SUSD1: variants seen among roughly 807,000 people sequenced by gnomAD.
SUSD1 encodes the protein sushi domain containing 1, also known as sushi domain-containing protein 1.
Under a neutral mutation model 86.9 loss-of-function variants are expected in SUSD1, and 65 were observed. The observed-to-expected ratio is 0.75, with a 90% CI of 0.61 to 0.92. The LOEUF (loss-of-function observed/expected upper bound fraction) is 0.92. Among genes scored for constraint, SUSD1 ranks in the 40% least tolerant of loss-of-function variants. The probability of loss-of-function intolerance (pLI) is 0.00; values close to 1 mark genes in which losing one functional copy is unlikely to be tolerated. For missense variants in SUSD1, 850 were observed against 929.7 expected (o/e 0.91, Z 1.11); for synonymous variants, 346 against 350.0 (o/e 0.99, Z 0.13).
At chr9:112,130,897 C>G (rs1440084262) in intron 5 of SUSD1, among the ~76,000 whole-genome samples, 1 of 151,774 alleles carries the variant, frequency 6.6e-6, no homozygotes, top group Non-Finnish European at 1.5e-5. Flanking sequence ...GTGGCTCATG[C>G]CTGTAGTCCC....
intron 2 of SUSD1, among the ~76,000 whole-genome samples, chr9:112,153,355 A>G (rs765901995): frequency 6.6e-6 from 1 of 152,064 alleles, no homozygotes; most frequent in Non-Finnish European, 1.5e-5. Context: ...GGATCATGTT[A>G]TCACTGTCTT....
rs775598302 is a variant in SUSD1 at position 112,111,722 on chromosome 9, T to C, written c.1103A>G (p.Tyr368Cys). The C allele has an allele frequency of 5.6e-6, 9 of 1,614,144 alleles. No homozygotes were observed. The Admixed American group carries it at 1.5e-4, about 27-fold the overall frequency. Residue 368 changes from tyrosine to cysteine, a missense_variant, in exon 8 of 17, where the codon TAC becomes TGC. Physicochemically the swap from Tyr to Cys is radical, Grantham distance 194. Transcript: ENST00000374270. Reference sequence around the variant, plus strand: ...AGGTGCTGTGGAGATGTTCACGGTGTAGTTGGTGCCTGGGTACAGGGCTAG... The same window carrying C: ...AGGTGCTGTGGAGATGTTCACGGTGCAGTTGGTGCCTGGGTACAGGGCTAG... Reference protein sequence around the residue: ...VCLALYPGTNYTVNISTAPPR... With the variant: ...VCLALYPGTNCTVNISTAPPR...
At position 112,149,326 on chromosome 9, in the gene SUSD1, G is replaced by GC. The variant is rs1564341112; in HGVS notation, c.290dup (p.Phe98LeufsTer31). On this transcript the variant is annotated frameshift_variant, in exon 3 of 17. Transcript: ENST00000374270. LOFTEE classifies it high-confidence loss of function. Reference sequence around the variant, plus strand: ...ATCCTTCCAGGCAAATGCAATAGAAGCCCCCGGGGGTGTTGTGGCAAGATG... The same window carrying GC: ...ATCCTTCCAGGCAAATGCAATAGAAGCCCCCCGGGGGTGTTGTGGCAAGATG... The GC allele has an allele frequency of 1.2e-6, 2 of 1,614,124 alleles. No individual in the cohort carries two copies. The highest frequency in any genetic ancestry group is 2.2e-5 in the South Asian group (2 of 91,078).
chr9:112,100,555 T>G (rs1204397303), intron 9 of SUSD1, among the ~76,000 whole-genome samples: 1 of 151,908 alleles, frequency 6.6e-6, no homozygotes, highest in African/African-American at 2.4e-5. Context: ...GTACCTGGCC[T>G]GGCAAGTAGC....
rs758442726 is a variant in SUSD1 at position 112,170,710 on chromosome 9, T to TATAG, written c.103+4422_103+4423insCTAT. 4.3e-3 allele frequency among the ~76,000 whole-genome samples: 487 copies of TATAG among 113,804 alleles called. 3 individuals are homozygous for TATAG. Among genetic ancestry groups the TATAG allele is most frequent in the African/African-American group, 0.013 (355 of 26,322 alleles). The allele number at this position is 113,804 out of a possible 152,430, so 74.7% of individuals were successfully genotyped here. On this transcript the variant is annotated intron_variant, in intron 1 of 16. Transcript: ENST00000374270. ...GCCAGATCATATATATATATATATA[T>TATAG]AGAGAGAGAGAGAGAGAGAGAGAGA...
At chr9:112,061,070 T>A (rs763039967) in intron 13 of SUSD1, among the ~76,000 whole-genome samples, 1 of 152,174 alleles carries the variant, frequency 6.6e-6, no homozygotes, top group Non-Finnish European at 1.5e-5. Flanking sequence ...ATTCTGGGAA[T>A]CTGTATCGCT....
chr9:112,081,065 C>T (rs1829747535), intron 10 of SUSD1, among the ~76,000 whole-genome samples: 1 of 152,212 alleles, frequency 6.6e-6, no homozygotes, highest in Non-Finnish European at 1.5e-5. Flanking sequence ...TGTGGAGGTA[C>T]ACCCATCCAA....
chr9:112,155,980 GAA>G (rs1354195888), intron 2 of SUSD1, among the ~76,000 whole-genome samples: 1 of 145,442 alleles, frequency 6.9e-6, no homozygotes, highest in Non-Finnish European at 1.6e-5. Flanking sequence ...AAAGGAGAGA[GAA>G]AGAAAGAAAG....
At chr9:112,165,634 T>A (rs1012639747) in intron 1 of SUSD1, among the ~76,000 whole-genome samples, 10 of 151,786 alleles carry the variant, frequency 6.6e-5, no homozygotes, top group African/African-American at 2.2e-4. Flanking sequence ...GGTCTTGAAC[T>A]CCTGACCTCA....
At chr9:112,145,537 C>A (rs929310718) in intron 3 of SUSD1, among the ~76,000 whole-genome samples, 1 of 152,114 alleles carries the variant, frequency 6.6e-6, no homozygotes, top group African/African-American at 2.4e-5. Context: ...CCAGTTGGCT[C>A]CCAAAGTGCT....
At chr9:112,117,512 CTA>C (rs1039217529) in intron 6 of SUSD1, among the ~76,000 whole-genome samples, 1 of 151,992 alleles carries the variant, frequency 6.6e-6, no homozygotes, top group Non-Finnish European at 1.5e-5. Context: ...TTGCTTTACT[CTA>C]TGTGTGTGTG....
At chr9:112,089,873 G>A (rs573521648) in intron 10 of SUSD1, among the ~76,000 whole-genome samples, 5 of 151,292 alleles carry the variant, frequency 3.3e-5, no homozygotes, top group Admixed American at 6.6e-5. Flanking sequence ...GATATAGAGC[G>A]AGAATCAAGA....
At chr9:112,087,370 C>T (rs575599043) in intron 10 of SUSD1, among the ~76,000 whole-genome samples, 35 of 151,980 alleles carry the variant, frequency 2.3e-4, no homozygotes, top group Admixed American at 3.3e-4. Flanking sequence ...TTAGTAGAGA[C>T]GGGGTTTCAC....
intron 5 of SUSD1, among the ~76,000 whole-genome samples, chr9:112,134,346 A>C (rs191161602): frequency 6.6e-6 from 1 of 152,348 alleles, no homozygotes; most frequent in East Asian, 1.9e-4. Flanking sequence ...GGATAAAGAA[A>C]ATGTGATACA....
At position 112,111,792 on chromosome 9, in the gene SUSD1, C is replaced by T. The variant is rs1831111136; in HGVS notation, c.1033G>A (p.Glu345Lys). 1.9e-6 allele frequency: 3 copies of T among 1,613,994 alleles called. No homozygotes were observed. The highest frequency in any genetic ancestry group is 1.7e-6 in the Non-Finnish European group (2 of 1,180,014). ...CTGTCTGTGGTCAAGTTGACTGTCTCCTCACGAACTGATTCCATAGGGTCC... is the reference window on the plus strand; with the variant it reads ...CTGTCTGTGGTCAAGTTGACTGTCTTCTCACGAACTGATTCCATAGGGTCC... ...RLDPMESVRE[E>K]TVNLTTDSRT... The change falls in exon 8 of 17, where the codon GAG (glutamate) becomes AAG (lysine). Residue 345 changes from glutamate to lysine, a missense_variant. By Grantham distance (56) the Glu-to-Lys change is moderately conservative. Coordinates refer to ENST00000374270, the MANE Select transcript of SUSD1 (RefSeq NM_022486.5).
chr9:112,072,210 G>A lies in SUSD1; in HGVS notation c.1753+6328C>T, dbSNP rs953241006. ...CTGTTGTCTAGGCTGGACTGCAGTGGCACAATCTCAGCTCACTGCAACTCT... is the reference window on the plus strand; with the variant it reads ...CTGTTGTCTAGGCTGGACTGCAGTGACACAATCTCAGCTCACTGCAACTCT... On this transcript the variant is annotated intron_variant, in intron 12 of 16. Transcript: ENST00000374270. 4.2e-5 allele frequency among the ~76,000 whole-genome samples: 6 copies of A among 142,506 alleles called. No homozygotes were observed. In the East Asian group the frequency reaches 1.3e-3, roughly 30 times the overall value. 93.5% of individuals were successfully genotyped at this position (142,506 alleles called of 152,430 possible).
chr9:112,159,335 C>T (rs1204950507), intron 1 of SUSD1, among the ~76,000 whole-genome samples: 2 of 152,130 alleles, frequency 1.3e-5, no homozygotes, highest in Non-Finnish European at 2.9e-5. Context: ...TAGGCTGCTC[C>T]AGGCATGAAA....
intron 10 of SUSD1, among the ~76,000 whole-genome samples, chr9:112,091,415 C>T (rs1178016505): frequency 6.6e-6 from 1 of 152,152 alleles, no homozygotes; most frequent in Non-Finnish European, 1.5e-5. Flanking sequence ...CAGAAAGCCA[C>T]CTTAAGAGTA....
At chr9:112,043,932 C>T (rs1827850921) in intron 15 of SUSD1, among the ~76,000 whole-genome samples, 1 of 152,154 alleles carries the variant, frequency 6.6e-6, no homozygotes. Flanking sequence ...TCCCTAGTAG[C>T]TGGGACTACA....
Sources: gnomAD v4.1 joint callset for allele counts (sites outside exome capture counted in the v4.1 genomes callset) on GRCh38, gnomAD v4.1.1 for gene constraint, MANE v1.5 for transcripts, NCBI Gene and HGNC (gene_info 2026-07-23, HGNC 2026-07-21) for gene names.